Variants in AXIN2 observed in about 807,000 individuals in gnomAD.
AXIN2 encodes axin-2.
A neutral mutation model predicts 74.7 loss-of-function variants in AXIN2; 21 were observed. That is an observed-to-expected ratio of 0.28 (90% confidence interval 0.20 to 0.40). The LOEUF is 0.40. Ranked by LOEUF, AXIN2 falls within the 10% of genes least tolerant of loss-of-function variation. AXIN2 has a pLI of 1.00. For missense variants in AXIN2, 1,144 were observed against 1,111.1 expected, an observed-to-expected ratio of 1.03 and a Z score of -0.42; for synonymous variants, 532 against 454.9, an observed-to-expected ratio of 1.17 and a Z score of -2.16.
chr17:65,536,453 G>A lies in AXIN2; in HGVS notation c.2008C>T (p.Pro670Ser), dbSNP rs2144442209. The change falls in exon 8 of 11, where the codon CCC (proline) becomes TCC (serine). Residue 670 changes from proline (P) to serine (S), a missense_variant. Around this residue, in one of 4 missense-constraint regions of AXIN2, gnomAD observed 1,053 missense variants for 973.5 expected, o/e 1.08. Transcript: ENST00000307078. ...HHLWGGNSGH[P>S]RTTPRAHLFT... ...AGGTGGGCACGGGGGGTGGTGCGGG[G>A]GTGCCCGCTGTTGCCCCCCCACAGA... The A allele has an allele frequency of 1.9e-6, 3 of 1,613,338 alleles. No homozygotes were observed. The highest frequency in any genetic ancestry group is 2.5e-6 in the Non-Finnish European group (3 of 1,179,986).
At chr17:65,561,376 G>C (rs2044372922) in intron 1 of AXIN2, 74 bp downstream of exon 1, 1 of 134,872 alleles carries the variant, frequency 7.4e-6, no homozygotes, top group South Asian at 2.4e-4. Context: ...GCCGCGGCTC[G>C]GCGCGACCTC....
intron 4 of AXIN2, 52 bp from the exon 5 acceptor site, chr17:65,538,395 G>A (rs1345879207): frequency 6.2e-7 from 1 of 1,609,812 alleles, no homozygotes; most frequent in Non-Finnish European, 8.5e-7. Flanking sequence ...GGCTAGGTGG[G>A]CGGTGGCTTG....
chr17:65,554,102 T>A (rs1251136993), intron 2 of AXIN2, among the ~76,000 whole-genome samples: 1 of 151,328 alleles, frequency 6.6e-6, no homozygotes. Context: ...CTGCTTTCTG[T>A]TTTCCCCTAT....
chr17:65,534,661 G>A (rs1197332293), intron 9 of AXIN2, among the ~76,000 whole-genome samples: 1 of 152,194 alleles, frequency 6.6e-6, no homozygotes, highest in African/African-American at 2.4e-5. Flanking sequence ...GGGCGTGGTG[G>A]CTCACGCCTG....
intron 1 of AXIN2, chr17:65,559,549 A>T (rs1227395422): frequency 1.3e-5 from 2 of 151,876 alleles, no homozygotes; most frequent in Non-Finnish European, 2.9e-5. Flanking sequence ...ACTTTGAGAG[A>T]GAGCTGAGAA....
intron 5 of AXIN2, 141 bp downstream of exon 5, chr17:65,538,062 A>G (rs2043970946): frequency 2.0e-6 from 3 of 1,478,242 alleles, no homozygotes; most frequent in Admixed American, 3.9e-5. Context: ...ACGCCCAGGC[A>G]CACACCCACA....
chr17:65,538,009 T>C (rs1486911876), intron 5 of AXIN2, 174 bp from the exon 6 acceptor site: 23 of 1,320,794 alleles, frequency 1.7e-5, no homozygotes, highest in Non-Finnish European at 2.1e-5. Context: ...TCCACACGCA[T>C]ATGCACACCC....
Position 65,531,630 on chromosome 17 carries a change from A to G in AXIN2, c.2406-1528T>C, listed in dbSNP as rs192381141. 3.3e-3 allele frequency among the ~76,000 whole-genome samples: 504 copies of G among 152,082 alleles called. 3 individuals are homozygous for G. Among genetic ancestry groups the G allele is most frequent in the African/African-American group, 0.011 (464 of 41,478 alleles). On this transcript the variant is annotated intron_variant, in intron 10 of 10. Coordinates refer to ENST00000307078, the MANE Select transcript of AXIN2 (RefSeq NM_004655.4). ...AGCATGTCTGAGCAAACACGCAGCG[A>G]CCTTTTACATAATTGCAACCTCCTC...
rs767756290 is a variant in AXIN2, at chr17:65,536,898, A to T, written c.1878T>A (p.Ser626Arg). Reference protein sequence around the residue: ...SQDVWQWMLESERQSKPKPHS... With the variant: ...SQDVWQWMLERERQSKPKPHS... ...GGGGCTTGGGCTTGCTCTGCCGCTCACTCTCCAGCATCCACTGCCAGACAT... is the reference window on the plus strand; with the variant it reads ...GGGGCTTGGGCTTGCTCTGCCGCTCTCTCTCCAGCATCCACTGCCAGACAT... The change falls in exon 7 of 11, where the codon AGT becomes AGA. Residue 626 changes from serine (S) to arginine (R), a missense_variant. By Grantham distance (110) the Ser-to-Arg change is moderately radical. Around this residue, in one of 4 missense-constraint regions of AXIN2, gnomAD observed 1,053 missense variants for 973.5 expected, o/e 1.08. Transcript: ENST00000307078. 28 of 1,613,198 alleles carry T rather than the reference A, an allele frequency of 1.7e-5. No individual in the cohort carries two copies. The highest frequency in any genetic ancestry group is 2.3e-5 in the Non-Finnish European group (27 of 1,179,912).
chr17:65,554,311 T>C (rs2044236832), intron 2 of AXIN2, among the ~76,000 whole-genome samples: 1 of 152,210 alleles, frequency 6.6e-6, no homozygotes, highest in African/African-American at 2.4e-5. Flanking sequence ...AAGTATATGC[T>C]TCTAAGTCTG....
At chr17:65,546,519 CA>C (rs964678083) in intron 3 of AXIN2, among the ~76,000 whole-genome samples, 19 of 152,304 alleles carry the variant, frequency 1.2e-4, no homozygotes, top group African/African-American at 4.6e-4. Flanking sequence ...GCCTGGCACC[CA>C]ATGGCAGCTT....
intron 6 of AXIN2, 97 bp downstream of exon 6, chr17:65,537,226 AC>A (rs1254727602): frequency 6.3e-7 from 1 of 1,584,064 alleles, no homozygotes; most frequent in African/African-American, 1.3e-5. Flanking sequence ...CCTCTTAGAA[AC>A]TAAATGCCTG....
At chr17:65,549,055 C>A (rs950416047) in intron 3 of AXIN2, among the ~76,000 whole-genome samples, 1 of 152,180 alleles carries the variant, frequency 6.6e-6, no homozygotes, top group Non-Finnish European at 1.5e-5. Context: ...CCCCCACTTG[C>A]AATGCCTTTT....
Position 65,536,971 on chromosome 17 carries a change from C to A in AXIN2, c.1805G>T (p.Gly602Val), listed in dbSNP as rs752917795. Residue 602 changes from glycine to valine, a missense_variant, in exon 7 of 11, where the codon GGA (glycine) becomes GTA (valine). Around this residue, in one of 4 missense-constraint regions of AXIN2, gnomAD observed 1,053 missense variants for 973.5 expected, o/e 1.08. Coordinates refer to ENST00000307078, the MANE Select transcript of AXIN2 (RefSeq NM_004655.4). ...LPAREGGAPG[G>V]AGALQLPREE... ...CCGGGGAAGCTGCAGGGCCCCAGCT[C>A]CGCCGGGGGCCCCTCCTTCCCTGGC... is the stretch of plus-strand genomic sequence containing the variant. 2 of 1,613,062 alleles carry A rather than the reference C, an allele frequency of 1.2e-6. No individual in the cohort carries two copies. The highest frequency in any genetic ancestry group is 1.7e-6 in the Non-Finnish European group (2 of 1,179,888).
chr17:65,543,984 G>C (rs980824219), intron 3 of AXIN2, among the ~76,000 whole-genome samples: 1 of 152,064 alleles, frequency 6.6e-6, no homozygotes, highest in African/African-American at 2.4e-5. Context: ...TGCTGCCCTA[G>C]GGCTGTAAGA....
chr17:65,538,157 G>A lies in AXIN2; in HGVS notation c.1200+46C>T, dbSNP rs751897827. On this transcript the variant is annotated intron_variant, in intron 5 of 10. Coordinates refer to ENST00000307078, the MANE Select transcript of AXIN2 (RefSeq NM_004655.4). Reference sequence around the variant, plus strand: ...TGCACATGCGCATACACATACGAGCGCTCACGCCGTGGACGGAAGCAGGAA... The same window carrying A: ...TGCACATGCGCATACACATACGAGCACTCACGCCGTGGACGGAAGCAGGAA... The A allele has an allele frequency of 2.5e-6, 4 of 1,613,432 alleles. No individual in the cohort carries two copies. Among genetic ancestry groups the A allele is most frequent in the East Asian group, 2.2e-5 (1 of 44,864 alleles).
chr17:65,542,970 C>T (rs979957763), intron 3 of AXIN2, among the ~76,000 whole-genome samples: 3 of 152,184 alleles, frequency 2.0e-5, no homozygotes, highest in African/African-American at 7.2e-5. Flanking sequence ...ATCTGAAATG[C>T]CCTAGAATTC....
chr17:65,529,852 C>G lies in AXIN2; in HGVS notation c.*124G>C. On this transcript the variant is annotated 3_prime_UTR_variant, in exon 11 of 11. Transcript: ENST00000307078. ...CCGAAGGCCCACTGGCCGATTCTTC[C>G]TTAGACTTTGTCTTCTTCATTGGTT... is the stretch of plus-strand genomic sequence containing the variant. The G allele has an allele frequency of 6.4e-7, 1 of 1,561,838 alleles. No individual in the cohort carries two copies. Among genetic ancestry groups the G allele is most frequent in the Non-Finnish European group, 8.7e-7 (1 of 1,145,746 alleles).
At chr17:65,533,479 C>T (rs1028367189) in intron 10 of AXIN2, among the ~76,000 whole-genome samples, 4 of 152,226 alleles carry the variant, frequency 2.6e-5, no homozygotes, top group African/African-American at 9.6e-5. Context: ...TAAACTCAAG[C>T]CAGTAGGGCG....
Sources: gnomAD v4.1 joint callset for allele counts (sites outside exome capture counted in the v4.1 genomes callset) on GRCh38, gnomAD v4.1.1 for gene constraint, gnomAD v4.1.1 regional missense constraint, MANE v1.5 for transcripts, NCBI Gene and HGNC (gene_info 2026-07-23, HGNC 2026-07-21) for gene names.